Variants in DGKA observed in about 807,000 individuals in gnomAD.
DGKA encodes diacylglycerol kinase alpha, also known as 80 kDa diacylglycerol kinase.
In DGKA, 35 loss-of-function variants were observed where a neutral mutation model predicts 105.0. The observed-to-expected ratio is 0.33, with a 90% CI of 0.25 to 0.44. DGKA has a LOEUF of 0.44. Ranked by LOEUF, DGKA falls within the 20% of genes least tolerant of loss-of-function variation. DGKA has a pLI of 1.00. For missense variants in DGKA, 665 were observed against 915.0 expected, an observed-to-expected ratio of 0.73 and a Z score of 3.53; for synonymous variants, 296 against 332.0, an observed-to-expected ratio of 0.89 and a Z score of 1.18.
intron 4 of DGKA, 69 bp from the exon 5 acceptor site, chr12:55,937,909 C>G (rs1250878268): frequency 9.1e-5 from 125 of 1,378,464 alleles, no homozygotes; most frequent in Non-Finnish European, 1.2e-4. Flanking sequence ...AGAGGTGGGA[C>G]AAACAAAGGA....
chr12:55,947,438 GT>G, intron 17 of DGKA, among the ~76,000 whole-genome samples: 1 of 152,280 alleles, frequency 6.6e-6, no homozygotes, highest in Non-Finnish European at 1.5e-5. Context: ...GTTCCTCCAT[GT>G]TTTACTTCCT....
At chr12:55,939,576 A>C (rs376072906) in intron 9 of DGKA, 47 bp downstream of exon 9, 32 of 1,576,018 alleles carry the variant, frequency 2.0e-5, no homozygotes, top group Non-Finnish European at 2.8e-5. Context: ...CAGCCCAGCT[A>C]TCTGTGGGAG....
chr12:55,950,131 C>T (rs910115129), intron 17 of DGKA, among the ~76,000 whole-genome samples: 5 of 151,728 alleles, frequency 3.3e-5, no homozygotes, highest in Admixed American at 2.0e-4. Context: ...TCCGCCACCA[C>T]GCCTTGCTGA....
At chr12:55,947,753 A>G (rs1342865360) in intron 17 of DGKA, among the ~76,000 whole-genome samples, 3 of 152,170 alleles carry the variant, frequency 2.0e-5, no homozygotes, top group Non-Finnish European at 4.4e-5. Flanking sequence ...TTCTAGAAGT[A>G]GAATTGCTTA....
At position 55,940,379 on chromosome 12, in the gene DGKA, G is replaced by C. The variant is rs1014880741; in HGVS notation, c.864G>C (p.Lys288Asn). The change falls in exon 11 of 24, where the codon AAG becomes AAC. Residue 288 changes from lysine to asparagine, a missense_variant. Around this residue, in one of 3 missense-constraint regions of DGKA, gnomAD observed 504 missense variants for 681.2 expected, o/e 0.74. Transcript: ENST00000331886. This position sits in a 1 kb window ranked among gnomAD's most constrained non-coding sequence, Gnocchi z 4.3. ...GGCGCTGCGACCGCTGTCAGAAAAA[G>C]ATCCGGATCTACCACAGTCTGACCG... ...ESGRCDRCQK[K>N]IRIYHSLTGL... The C allele has an allele frequency of 1.2e-6, 2 of 1,614,230 alleles. No homozygotes were observed. Among genetic ancestry groups the C allele is most frequent in the African/African-American group, 1.3e-5 (1 of 75,072 alleles).
intron 17 of DGKA, among the ~76,000 whole-genome samples, chr12:55,947,277 G>A (rs532763404): frequency 1.3e-5 from 2 of 152,202 alleles, no homozygotes; most frequent in East Asian, 1.9e-4. Flanking sequence ...AAGCCACTGC[G>A]CCCAGCTGTG....
chr12:55,951,844 A>C, intron 18 of DGKA, 61 bp downstream of exon 18: 1 of 1,587,646 alleles, frequency 6.3e-7, no homozygotes, highest in South Asian at 1.1e-5. Flanking sequence ...CAGAGGCTGG[A>C]GGAGAGCAGA....
chr12:55,951,573 G>T (rs567845679), intron 17 of DGKA, 50 bp from the exon 18 acceptor site: 7 of 1,572,540 alleles, frequency 4.5e-6, no homozygotes, highest in African/African-American at 1.4e-5. Context: ...CTGAGAAGAG[G>T]CCTCTCTGGG....
intron 17 of DGKA, among the ~76,000 whole-genome samples, chr12:55,948,548 T>A (rs1887509301): frequency 1.3e-5 from 2 of 149,756 alleles, no homozygotes; most frequent in South Asian, 4.2e-4. Flanking sequence ...GGCTACACAG[T>A]GAGACCTCAT....
chr12:55,935,258 A>G (rs1884403051), intron 1 of DGKA: 1 of 152,226 alleles, frequency 6.6e-6, no homozygotes, highest in Admixed American at 6.5e-5. Context: ...TGTTTTACGT[A>G]AGCCACACAA....
At chr12:55,936,270 G>A in intron 1 of DGKA, 153 bp from the exon 2 acceptor site, 1 of 847,294 alleles carries the variant, frequency 1.2e-6, no homozygotes. Context: ...TAGGGAAGAG[G>A]GACACAGGGA....
In DGKA at chr12:55,946,395, C is replaced by T. The variant is rs1034463661; in HGVS notation, c.1426+4132C>T. On this transcript the variant is annotated intron_variant, in intron 17 of 23. Coordinates refer to ENST00000331886, the MANE Select transcript of DGKA (RefSeq NM_001345.5). The stretch of plus-strand genomic sequence containing the variant: ...TTTTGGAGATGGAGTCTCACTCCAT[C>T]GCACAGGCTGGAGTGCAGTGGCGCG... Among the ~76,000 whole-genome samples the T allele has an allele frequency of 1.1e-4, 17 of 151,392 alleles. 1 individual carries two copies. Among genetic ancestry groups the T allele is most frequent in the African/African-American group, 4.1e-4 (17 of 41,122 alleles).
chr12:55,939,398 C>G lies in DGKA; in HGVS notation c.595-17C>G. On this transcript the variant is annotated splice_polypyrimidine_tract_variant and intron_variant, in intron 8 of 23. Transcript: ENST00000331886. ...TAAGGGCTTTGACACTCCCTAGCAT[C>G]TACTGTGCCTTCCTAGACTCTGAAG... The G allele has an allele frequency of 6.2e-7, 1 of 1,614,074 alleles. No individual in the cohort carries two copies.
rs1281284367 is a variant in DGKA, at chr12:55,942,156, C to T, written c.1337-18C>T. The T allele has an allele frequency of 6.2e-7, 1 of 1,614,172 alleles. No individual in the cohort carries two copies. Among genetic ancestry groups the T allele is most frequent in the East Asian group, 2.2e-5 (1 of 44,890 alleles). Reference sequence around the variant, plus strand: ...CAGAGCTAACTCACTCCATCCTTCTCTTCACCTGCCTCCGCAGACAAAGCT... The same window carrying T: ...CAGAGCTAACTCACTCCATCCTTCTTTTCACCTGCCTCCGCAGACAAAGCT... On this transcript the variant is annotated intron_variant, in intron 16 of 23. Transcript: ENST00000331886.
chr12:55,939,137 G>A lies in DGKA; in HGVS notation c.475-49G>A, dbSNP rs112771093. On this transcript the variant is annotated intron_variant, in intron 7 of 23. Transcript: ENST00000331886. ...CCTAAGAGGCAGTGGAGAGGTGTTG[G>A]GTCTGAAGACCCACTCATACTGAAA... The A allele has an allele frequency of 1.7e-3, 2,803 of 1,607,358 alleles. 49 individuals are homozygous for A. The African/African-American group carries it at 0.033, about 19-fold the overall frequency.
rs200314981 is a variant in DGKA, at chr12:55,952,722, C to T, written c.1744-12C>T. ...TACCCTCCCTAACTGGGACTGTGCC[C>T]CCTCCTCTCAGATCTGTGGGAAACC... is the stretch of plus-strand genomic sequence containing the variant. On this transcript the variant is annotated splice_polypyrimidine_tract_variant and intron_variant, in intron 20 of 23. Coordinates refer to ENST00000331886, the MANE Select transcript of DGKA (RefSeq NM_001345.5). This position sits in a 1 kb window ranked among gnomAD's most constrained non-coding sequence, Gnocchi z 5.1. 77 of 1,613,870 alleles carry T rather than the reference C, an allele frequency of 4.8e-5. No individual in the cohort carries two copies. The African/African-American group carries it at 1.0e-3, about 21-fold the overall frequency.
chr12:55,935,164 A>G (rs755518328), intron 1 of DGKA: 5 of 152,212 alleles, frequency 3.3e-5, no homozygotes, highest in Non-Finnish European at 4.4e-5. Context: ...TGATGATTTG[A>G]TTCTAATTGT....
upstream of DGKA, chr12:55,927,781 C>T (rs1319577145): frequency 6.5e-6 from 10 of 1,537,548 alleles, no homozygotes; most frequent in East Asian, 2.0e-4. Context: ...GGCAGCGGAC[C>T]AGGTTGGGCG....
At chr12:55,941,634 T>C (rs1449097019) in intron 15 of DGKA, 50 bp downstream of exon 15, 1 of 1,570,150 alleles carries the variant, frequency 6.4e-7, no homozygotes, top group Non-Finnish European at 8.8e-7. Flanking sequence ...GGTCTGTGTA[T>C]CTGTATATGT....
Sources: gnomAD v4.1 joint callset for allele counts (sites outside exome capture counted in the v4.1 genomes callset) on GRCh38, gnomAD v4.1.1 for gene constraint, gnomAD v4.1.1 regional missense constraint, Gnocchi (gnomAD v3.1) non-coding constraint, MANE v1.5 for transcripts, NCBI Gene and HGNC (gene_info 2026-07-23, HGNC 2026-07-21) for gene names.